Variants in KHDRBS3 observed in about 807,000 individuals in gnomAD.
KHDRBS3 encodes KH domain-containing, RNA-binding, signal transduction-associated protein 3.
Under a neutral mutation model 45.6 loss-of-function variants are expected in KHDRBS3, and 23 were observed. The ratio of observed to expected loss-of-function variants is 0.50; its 90% CI spans 0.36 to 0.72. The LOEUF (loss-of-function observed/expected upper bound fraction) is 0.72, where lower values mean the gene tolerates loss of function less well. KHDRBS3 is among the 30% of genes least tolerant of loss of function. The pLI is 0.00. For synonymous variants in KHDRBS3, 162 were observed against 156.5 expected (o/e 1.04, Z -0.26); for missense variants, 352 against 424.8 (o/e 0.83, Z 1.51).
intron 1 of KHDRBS3, among the ~76,000 whole-genome samples, chr8:135,461,508 G>A (rs1821432095): frequency 6.6e-6 from 1 of 152,210 alleles, no homozygotes; most frequent in Non-Finnish European, 1.5e-5. Context: ...CCGCCTTGGT[G>A]CCTGTAGGGT....
intron 1 of KHDRBS3, among the ~76,000 whole-genome samples, chr8:135,484,226 G>A (rs1001846773): frequency 4.6e-5 from 7 of 152,248 alleles, no homozygotes; most frequent in East Asian, 1.9e-4. Context: ...CTTGGCCAAC[G>A]GGACCCCAGA....
chr8:135,621,584 A>G (rs997640110), intron 7 of KHDRBS3, among the ~76,000 whole-genome samples: 2 of 152,152 alleles, frequency 1.3e-5, no homozygotes, highest in South Asian at 2.1e-4. Context: ...TTGTTCATCA[A>G]CACTTCTTAA....
intron 7 of KHDRBS3, among the ~76,000 whole-genome samples, chr8:135,624,376 A>C (rs1340026530): frequency 6.6e-6 from 1 of 152,262 alleles, no homozygotes; most frequent in Non-Finnish European, 1.5e-5. Context: ...GATGTGGGCA[A>C]GTCCCCAAAA....
intron 2 of KHDRBS3, among the ~76,000 whole-genome samples, chr8:135,526,811 C>T (rs1462680524): frequency 6.6e-6 from 1 of 152,136 alleles, no homozygotes; most frequent in Non-Finnish European, 1.5e-5. Flanking sequence ...AGTGTTCAGA[C>T]CTTAATGTAT....
chr8:135,538,584 C>T (rs2130754319), intron 2 of KHDRBS3: 1 of 152,238 alleles, frequency 6.6e-6, no homozygotes, highest in South Asian at 2.1e-4. Context: ...AACACTTTAT[C>T]TGATATTTTA....
At chr8:135,501,680 A>C (rs1823741284) in intron 1 of KHDRBS3, among the ~76,000 whole-genome samples, 2 of 151,736 alleles carry the variant, frequency 1.3e-5, no homozygotes, top group African/African-American at 4.8e-5. Flanking sequence ...TTTTTTCTCT[A>C]GCTCGCAGAA....
chr8:135,457,966 G>A lies in KHDRBS3; in HGVS notation c.88+12G>A. Reference sequence around the variant, plus strand: ...CCTGGTGAACCAAGGTGAGGCGCCGGCCGTTAACTGCCGGCCGGCGGCGGT... The same window carrying A: ...CCTGGTGAACCAAGGTGAGGCGCCGACCGTTAACTGCCGGCCGGCGGCGGT... On this transcript the variant is annotated intron_variant, in intron 1 of 8. Coordinates refer to ENST00000355849, the MANE Select transcript of KHDRBS3 (RefSeq NM_006558.3). The surrounding 1 kb of genome is among the most constrained non-coding windows in gnomAD (Gnocchi z 4.4). 1 of 1,578,538 alleles carries A rather than the reference G, an allele frequency of 6.3e-7. No homozygotes were observed. Among genetic ancestry groups the A allele is most frequent in the Middle Eastern group, 1.7e-4 (1 of 5,722 alleles).
At chr8:135,544,701 G>A (rs1319198806) in intron 3 of KHDRBS3, among the ~76,000 whole-genome samples, 8 of 152,100 alleles carry the variant, frequency 5.3e-5, no homozygotes, top group African/African-American at 1.9e-4. Flanking sequence ...CATTTGCATG[G>A]GACACCCTGA....
At chr8:135,509,974 C>T (rs867404192) in intron 1 of KHDRBS3, among the ~76,000 whole-genome samples, 26,732 of 122,826 alleles carry the variant, frequency 0.22, 4,611 homozygotes, top group African/African-American at 0.48. Flanking sequence ...TTCCCCCCCC[C>T]TTTTTTTTTT....
At chr8:135,562,286 T>A (rs1187196914) in intron 5 of KHDRBS3, among the ~76,000 whole-genome samples, 1 of 152,184 alleles carries the variant, frequency 6.6e-6, no homozygotes, top group African/African-American at 2.4e-5. Flanking sequence ...TTTCTGTGTT[T>A]AGATATGTGT....
At chr8:135,611,066 T>C (rs1318606726) in intron 7 of KHDRBS3, among the ~76,000 whole-genome samples, 1 of 151,902 alleles carries the variant, frequency 6.6e-6, no homozygotes, top group East Asian at 1.9e-4. Context: ...CCTTTAAATA[T>C]CAGGAAAGAT....
intron 4 of KHDRBS3, 65 bp downstream of exon 4, chr8:135,548,965 T>G (rs1174316253): frequency 1.6e-5 from 19 of 1,173,578 alleles, no homozygotes; most frequent in Non-Finnish European, 2.2e-5. Context: ...CCTTGATACT[T>G]CTTGTCTGTA....
intron 7 of KHDRBS3, among the ~76,000 whole-genome samples, chr8:135,637,750 C>G (rs1830879076): frequency 1.3e-5 from 2 of 152,214 alleles, no homozygotes; most frequent in Admixed American, 1.3e-4. Context: ...GATGTCAGCA[C>G]TGTCCAGAAC....
chr8:135,578,796 A>T (rs746684808), intron 5 of KHDRBS3, among the ~76,000 whole-genome samples: 4 of 152,198 alleles, frequency 2.6e-5, no homozygotes, highest in Non-Finnish European at 4.4e-5. Context: ...TTGAATCTGT[A>T]GATTAGTTGG....
chr8:135,633,573 T>C (rs1297479216), intron 7 of KHDRBS3, among the ~76,000 whole-genome samples: 1 of 152,256 alleles, frequency 6.6e-6, no homozygotes, highest in East Asian at 1.9e-4. Context: ...TTATGAAATA[T>C]AGGGACTGTT....
chr8:135,460,021 A>C (rs1234122191), intron 1 of KHDRBS3, among the ~76,000 whole-genome samples: 1 of 152,248 alleles, frequency 6.6e-6, no homozygotes, highest in Admixed American at 6.5e-5. Context: ...CTTAAATCAC[A>C]GGCTGATATT....
At chr8:135,585,077 A>T (rs1290852086) in intron 6 of KHDRBS3, among the ~76,000 whole-genome samples, 1 of 151,666 alleles carries the variant, frequency 6.6e-6, no homozygotes, top group Non-Finnish European at 1.5e-5. Context: ...AAAAATACAA[A>T]AATTAGCCGG....
intron 1 of KHDRBS3, among the ~76,000 whole-genome samples, chr8:135,507,433 G>A (rs1332444884): frequency 2.0e-5 from 3 of 152,186 alleles, no homozygotes; most frequent in Non-Finnish European, 4.4e-5. Context: ...TCTGTTTTCA[G>A]TAGATTTGGC....
At chr8:135,556,679 CT>C in intron 4 of KHDRBS3, among the ~76,000 whole-genome samples, 1 of 152,288 alleles carries the variant, frequency 6.6e-6, no homozygotes, top group East Asian at 1.9e-4. Context: ...AACAAACTTA[CT>C]ATTTCCTTTT....
Sources: allele counts gnomAD v4.1 joint callset (sites outside exome capture counted in the v4.1 genomes callset), GRCh38; gene constraint gnomAD v4.1.1; non-coding constraint Gnocchi (gnomAD v3.1); transcripts MANE v1.5; gene names NCBI Gene and HGNC (gene_info 2026-07-23, HGNC 2026-07-21).